The following CFAP58 variants were observed in gnomAD, a reference collection of about 807,000 sequenced individuals.
CFAP58 encodes the protein cilia- and flagella-associated protein 58.
In CFAP58, 88 loss-of-function variants were observed where a neutral mutation model predicts 119.5. That is an observed-to-expected ratio of 0.74 (90% CI 0.62 to 0.88). The LOEUF is 0.88. Among genes scored for constraint, CFAP58 ranks in the 40% least tolerant of loss-of-function variants. The pLI is 0.00. For synonymous variants in CFAP58, 365 were observed against 366.3 expected (o/e 1.00, Z 0.04); for missense variants, 990 against 1,021.2 (o/e 0.97, Z 0.42).
intron 15 of CFAP58, among the ~76,000 whole-genome samples, chr10:104,408,746 C>A (rs768978805): frequency 2.6e-5 from 4 of 152,078 alleles, no homozygotes; most frequent in Non-Finnish European, 4.4e-5. Context: ...ATGCTCAGCT[C>A]ATCAATGTTC....
At chr10:104,379,215 T>C (rs527826738) in intron 8 of CFAP58, among the ~76,000 whole-genome samples, 22 of 152,114 alleles carry the variant, frequency 1.4e-4, no homozygotes, top group African/African-American at 5.1e-4. Context: ...CTTCTTTCAG[T>C]TTTTATGGAT....
chr10:104,371,908 C>T (rs1253455201), intron 7 of CFAP58, among the ~76,000 whole-genome samples: 1 of 152,200 alleles, frequency 6.6e-6, no homozygotes, highest in African/African-American at 2.4e-5. Flanking sequence ...GTCCTGTTGA[C>T]TTTTCCCAGG....
At chr10:104,400,953 C>A in intron 13 of CFAP58, 50 bp downstream of exon 13, 2 of 1,348,570 alleles carry the variant, frequency 1.5e-6, no homozygotes, top group Non-Finnish European at 2.1e-6. Context: ...ACGTGGGGAG[C>A]TCCTAAAATC....
chr10:104,389,504 T>C (rs972167504), intron 9 of CFAP58, among the ~76,000 whole-genome samples: 3 of 152,230 alleles, frequency 2.0e-5, no homozygotes, highest in African/African-American at 7.2e-5. Context: ...CTGCTTGATA[T>C]TCTGAATGCT....
At chr10:104,389,126 A>G (rs1294197236) in intron 9 of CFAP58, among the ~76,000 whole-genome samples, 2 of 152,348 alleles carry the variant, frequency 1.3e-5, no homozygotes, top group East Asian at 3.9e-4. Flanking sequence ...ATGAATTTTC[A>G]GGATTTGAAC....
At chr10:104,442,267 C>T (rs1400100931) in intron 15 of CFAP58, among the ~76,000 whole-genome samples, 1 of 151,936 alleles carries the variant, frequency 6.6e-6, no homozygotes, top group Admixed American at 6.6e-5. Context: ...AAAGTCAACA[C>T]ATTATTTAGT....
At chr10:104,371,847 C>T (rs896331114) in intron 7 of CFAP58, among the ~76,000 whole-genome samples, 8 of 152,106 alleles carry the variant, frequency 5.3e-5, no homozygotes, top group Non-Finnish European at 1.2e-4. Flanking sequence ...AGACAAAGAA[C>T]CTGGGTATGA....
chr10:104,453,433 A>G lies in CFAP58; in HGVS notation c.2511-989A>G, dbSNP rs568867481. Among the ~76,000 whole-genome samples the G allele has an allele frequency of 3.9e-5, 6 of 152,278 alleles. No individual in the cohort carries two copies. The South Asian group carries it at 1.2e-3, about 32-fold the overall frequency. On this transcript the variant is annotated intron_variant, in intron 17 of 17. Transcript: ENST00000369704. ...TGCCCTTAACAAAATAGCAACTCTT[A>G]TCATTTTGTACCTTTTACCTTCTTT...
At chr10:104,439,877 T>TGGC (rs1252503056) in intron 15 of CFAP58, among the ~76,000 whole-genome samples, 1 of 152,222 alleles carries the variant, frequency 6.6e-6, no homozygotes, top group African/African-American at 2.4e-5. Flanking sequence ...TGGAGTGCAG[T>TGGC]GGCGCGATCT....
intron 15 of CFAP58, among the ~76,000 whole-genome samples, chr10:104,408,152 A>T (rs2012395960): frequency 6.6e-6 from 1 of 152,246 alleles, no homozygotes; most frequent in South Asian, 2.1e-4. Context: ...CCAGAATATC[A>T]TGACACTGAA....
chr10:104,412,271 A>G (rs2012472948), intron 15 of CFAP58, among the ~76,000 whole-genome samples: 1 of 152,166 alleles, frequency 6.6e-6, no homozygotes, highest in Non-Finnish European at 1.5e-5. Context: ...GTGTTAGTTC[A>G]CATAAAAGTT....
Position 104,454,528 on chromosome 10 carries a change from T to C in CFAP58, c.2617T>C (p.Ter873GlnextTer13), listed in dbSNP as rs771372123. The change falls in exon 18 of 18, where the codon TAA becomes CAA. Residue 873 changes from the stop codon to glutamine (Q), a stop_lost. Coordinates refer to ENST00000369704, the MANE Select transcript of CFAP58 (RefSeq NM_001008723.2). ...FPLRSTKMTF[*>Q] is the part of the protein sequence containing the mutation. Reference sequence around the variant, plus strand: ...TCTCAGGTCAACCAAAATGACGTTCTAACCTGAAGCTGCTGGCTGTTTCCA... The same window carrying C: ...TCTCAGGTCAACCAAAATGACGTTCCAACCTGAAGCTGCTGGCTGTTTCCA... 1.6e-5 allele frequency: 26 copies of C among 1,609,684 alleles called. No individual in the cohort carries two copies. Among genetic ancestry groups the C allele is most frequent in the Non-Finnish European group, 2.2e-5 (26 of 1,176,228 alleles).
upstream of CFAP58, chr10:104,353,465 A>C: frequency 5.8e-6 from 1 of 171,474 alleles, no homozygotes; most frequent in Admixed American, 6.2e-5. Flanking sequence ...TTTCCTTCCA[A>C]GCGTTAGTCC....
intron 17 of CFAP58, among the ~76,000 whole-genome samples, chr10:104,451,200 C>T (rs1351232969): frequency 6.6e-6 from 1 of 152,158 alleles, no homozygotes; most frequent in East Asian, 1.9e-4. Context: ...TCCACATGGA[C>T]ATTTCAGGGA....
At position 104,375,062 on chromosome 10, in the gene CFAP58, G is replaced by C. The variant is rs981995495; in HGVS notation, c.1091-1749G>C. Among the ~76,000 whole-genome samples, 3 of 151,368 alleles carry C rather than the reference G, an allele frequency of 2.0e-5. No homozygotes were observed. The East Asian group carries it at 5.8e-4, about 29-fold the overall frequency. ...ATGTGTACAATAAGCTTCTGTTTTG[G>C]GGGAAAAACTCAACACCAAATGTTG... On this transcript the variant is annotated intron_variant, in intron 7 of 17. Coordinates refer to ENST00000369704, the MANE Select transcript of CFAP58 (RefSeq NM_001008723.2).
chr10:104,406,570 C>T (rs1199909725), intron 14 of CFAP58, 119 bp from the exon 15 acceptor site: 1 of 696,374 alleles, frequency 1.4e-6, no homozygotes, highest in Non-Finnish European at 2.4e-6. Context: ...CTAATTCTCT[C>T]TGTATTAGGT....
chr10:104,387,439 C>G (rs1311482599), intron 9 of CFAP58, among the ~76,000 whole-genome samples: 1 of 152,152 alleles, frequency 6.6e-6, no homozygotes, highest in East Asian at 1.9e-4. Flanking sequence ...TTCTGACCTC[C>G]CATTGGCTAT....
chr10:104,392,112 T>C (rs1424376171), intron 9 of CFAP58, 121 bp from the exon 10 acceptor site: 2 of 804,628 alleles, frequency 2.5e-6, no homozygotes, highest in African/African-American at 1.7e-5. Context: ...ATAGCCACTG[T>C]CAGATTTTCT....
At chr10:104,443,476 C>A (rs1445903731) in intron 15 of CFAP58, among the ~76,000 whole-genome samples, 1 of 152,240 alleles carries the variant, frequency 6.6e-6, no homozygotes, top group African/African-American at 2.4e-5. Context: ...TCCCAACTCT[C>A]ACCCAAGCAA....
Sources: allele counts gnomAD v4.1 joint callset (sites outside exome capture counted in the v4.1 genomes callset), GRCh38; gene constraint gnomAD v4.1.1; transcripts MANE v1.5; gene names NCBI Gene and HGNC (gene_info 2026-07-23, HGNC 2026-07-21).